RP1: variants seen among roughly 807,000 people sequenced by gnomAD.
RP1 encodes the protein oxygen-regulated protein 1.
Under a neutral mutation model 14.8 loss-of-function variants are expected in RP1, and 16 were observed. That is an observed-to-expected ratio of 1.08 (90% CI 0.73 to 1.65). The LOEUF is 1.65. Ranked by LOEUF, RP1 falls within the 40% of genes most tolerant of loss-of-function variation. RP1 has a pLI of 0.00. For missense variants in RP1, 2,631 were observed against 2,535.0 expected (o/e 1.04, Z -0.81); for synonymous variants, 876 against 883.6 (o/e 0.99, Z 0.15).
chr8:54,647,901 C>A (rs1806580730), intron 3 of RP1, among the ~76,000 whole-genome samples: 1 of 152,098 alleles, frequency 6.6e-6, no homozygotes, highest in Admixed American at 6.6e-5. Flanking sequence ...TGGTTTGGCT[C>A]TGTGTCCTTA....
In RP1 at chr8:54,626,440, A is replaced by C. The variant is rs781308014; in HGVS notation, c.2558A>C (p.Lys853Thr). 82 of 1,613,824 alleles carry C rather than the reference A, an allele frequency of 5.1e-5. No individual in the cohort carries two copies. The highest frequency in any genetic ancestry group is 6.9e-5 in the Non-Finnish European group (81 of 1,179,904). Residue 853 changes from lysine to threonine, a missense_variant, in exon 4 of 4, where the codon AAG becomes ACG. Coordinates refer to ENST00000220676, the MANE Select transcript of RP1 (RefSeq NM_006269.2). ...GGGTATTTGAGAGGAATGGCAAAGA[A>C]GAGTTTAGTTTCAAAAGTTACTGAT... is the stretch of plus-strand genomic sequence containing the variant. The part of the protein sequence containing the change: ...ASGYLRGMAK[K>T]SLVSKVTDSH...
At chr8:54,620,273 T>C (rs1805822351) in intron 1 of RP1, among the ~76,000 whole-genome samples, 2 of 152,374 alleles carry the variant, frequency 1.3e-5, no homozygotes, top group South Asian at 4.1e-4. Flanking sequence ...CATAAGATTA[T>C]AATACCATAT....
chr8:54,777,818 T>A (rs1390860044), intron 23 of RP1, among the ~76,000 whole-genome samples: 4 of 152,184 alleles, frequency 2.6e-5, no homozygotes, highest in Non-Finnish European at 5.9e-5. Context: ...CTTGAAAATG[T>A]GGATCATACA....
At chr8:54,719,102 G>A (rs1453011238) in intron 15 of RP1, among the ~76,000 whole-genome samples, 2 of 152,140 alleles carry the variant, frequency 1.3e-5, no homozygotes, top group African/African-American at 2.4e-5. Context: ...CTTACCTTCT[G>A]TATTGTTCAG....
intron 15 of RP1, among the ~76,000 whole-genome samples, chr8:54,713,395 A>G (rs1187849458): frequency 6.6e-6 from 1 of 152,206 alleles, no homozygotes; most frequent in Non-Finnish European, 1.5e-5. Flanking sequence ...CTCACTAAGC[A>G]TGAATACAAA....
At chr8:54,699,428 G>A in intron 12 of RP1, 1 of 1,112,990 alleles carries the variant, frequency 9.0e-7, no homozygotes, top group East Asian at 2.9e-5. Flanking sequence ...AGTTTTAAAA[G>A]CCAAACTTGC....
chr8:54,777,573 T>A (rs998814699), intron 23 of RP1, among the ~76,000 whole-genome samples: 7 of 152,194 alleles, frequency 4.6e-5, no homozygotes, highest in Non-Finnish European at 8.8e-5. Context: ...AGAATTTCTC[T>A]ATTGCTTTAC....
downstream of RP1, among the ~76,000 whole-genome samples, chr8:54,635,014 G>A (rs916272851): frequency 1.3e-5 from 2 of 151,598 alleles, no homozygotes; most frequent in African/African-American, 4.9e-5. Context: ...CCCAGGAGGC[G>A]GAGCTTGCAG....
intron 1 of RP1, among the ~76,000 whole-genome samples, chr8:54,580,299 TC>T (rs1804756258): frequency 2.1e-5 from 3 of 142,424 alleles, no homozygotes; most frequent in Non-Finnish European, 3.1e-5. Context: ...ATCGTAGACT[TC>T]TTTTTTTTTT....
At chr8:54,864,654 G>C (rs1420428098) in intron 27 of RP1, among the ~76,000 whole-genome samples, 1 of 152,138 alleles carries the variant, frequency 6.6e-6, no homozygotes, top group East Asian at 1.9e-4. Flanking sequence ...AGCGCTGCCT[G>C]TATCAAGTTT....
At chr8:54,591,131 C>T (rs1805035845) in intron 1 of RP1, among the ~76,000 whole-genome samples, 1 of 152,200 alleles carries the variant, frequency 6.6e-6, no homozygotes, top group African/African-American at 2.4e-5. Context: ...GCTCCTACCT[C>T]TACTCCTGCT....
chr8:54,765,871 A>G (rs1809749638), intron 22 of RP1, among the ~76,000 whole-genome samples: 1 of 152,160 alleles, frequency 6.6e-6, no homozygotes, highest in African/African-American at 2.4e-5. Context: ...ATTGTTTGTG[A>G]ACGTATTTGT....
intron 19 of RP1, among the ~76,000 whole-genome samples, chr8:54,746,447 T>A (rs770592696): frequency 6.6e-6 from 1 of 152,306 alleles, no homozygotes; most frequent in Non-Finnish European, 1.5e-5. Flanking sequence ...ACTAACCAAC[T>A]GTGCTGTCTA....
intron 2 of RP1, 69 bp downstream of exon 2, chr8:54,621,650 AT>A: frequency 3.1e-6 from 5 of 1,607,552 alleles, no homozygotes; most frequent in Non-Finnish European, 4.2e-6. Context: ...TTCGTGTGGG[AT>A]ATGAATGGTG....
rs149762305 is a variant in RP1, at chr8:54,586,802, G to A, written c.-13+27482G>A. ...CATAGGACCCTCCAAGCCAGGTGCG[G>A]GATATAATCTCGTGGTGTGCCGTTT... is the stretch of plus-strand genomic sequence containing the variant. On this transcript the variant is annotated intron_variant, in intron 1 of 22. Coordinates refer to the RP1 transcript ENST00000636932. Among the ~76,000 whole-genome samples, 818 of 152,330 alleles carry A rather than the reference G, an allele frequency of 5.4e-3. 1 individual carries two copies. Among genetic ancestry groups the A allele is most frequent in the Middle Eastern group, 0.01 (3 of 294 alleles).
chr8:54,664,033 A>G (rs1806956432), intron 7 of RP1, among the ~76,000 whole-genome samples: 2 of 152,188 alleles, frequency 1.3e-5, no homozygotes, highest in Admixed American at 1.3e-4. Flanking sequence ...TAATCTAATA[A>G]TTAACAACTC....
intron 15 of RP1, among the ~76,000 whole-genome samples, chr8:54,716,819 TC>T (rs1448798959): frequency 6.6e-6 from 1 of 152,220 alleles, no homozygotes; most frequent in African/African-American, 2.4e-5. Context: ...CTTCTGGATG[TC>T]CCCATGTTGC....
intron 16 of RP1, among the ~76,000 whole-genome samples, chr8:54,722,708 A>G (rs1408137922): frequency 1.3e-5 from 2 of 152,006 alleles, no homozygotes; most frequent in African/African-American, 4.8e-5. Context: ...ACTTTTCCTC[A>G]TAGTTGTCTA....
intron 7 of RP1, among the ~76,000 whole-genome samples, chr8:54,664,974 T>C (rs1436201283): frequency 6.6e-6 from 1 of 152,160 alleles, no homozygotes; most frequent in Non-Finnish European, 1.5e-5. Flanking sequence ...GCACATGTAC[T>C]GCCTGAATCT....
Sources: gnomAD v4.1 joint callset for allele counts (sites outside exome capture counted in the v4.1 genomes callset) on GRCh38, gnomAD v4.1.1 for gene constraint, MANE v1.5 for transcripts, NCBI Gene and HGNC (gene_info 2026-07-23, HGNC 2026-07-21) for gene names.